Variants in DPP6 observed in about 807,000 individuals in gnomAD.
DPP6 encodes the protein dipeptidyl peptidase like 6.
Under a neutral mutation model 122.6 loss-of-function variants are expected in DPP6, and 69 were observed. The ratio of observed to expected loss-of-function variants is 0.56; its 90% CI spans 0.46 to 0.69. The LOEUF (loss-of-function observed/expected upper bound fraction) is 0.69. DPP6 is among the 30% of genes least tolerant of loss of function. The pLI is 0.00. For missense variants in DPP6, 928 were observed against 1,116.9 expected (o/e 0.83, Z 2.41); for synonymous variants, 418 against 433.1 (o/e 0.97, Z 0.43).
intron 1 of DPP6, among the ~76,000 whole-genome samples, chr7:154,115,469 G>A (rs1189602918): frequency 6.6e-6 from 1 of 152,192 alleles, no homozygotes; most frequent in African/African-American, 2.4e-5. Context: ...GCTCTTATCA[G>A]AGATTTGCTC....
intron 1 of DPP6, among the ~76,000 whole-genome samples, chr7:153,923,694 C>G (rs7805177): frequency 0.63 from 92,364 of 147,452 alleles, 29,084 homozygotes; most frequent in African/African-American, 0.72. Flanking sequence ...CCAGGAGGCA[C>G]AGCTTGCAGT....
chr7:153,940,621 G>A (rs540616628), intron 1 of DPP6, among the ~76,000 whole-genome samples: 1 of 152,224 alleles, frequency 6.6e-6, no homozygotes, highest in East Asian at 1.9e-4. Flanking sequence ...ACTGCACCAT[G>A]GGAACTATTT....
chr7:154,653,196 A>T (rs1488894331), intron 6 of DPP6, among the ~76,000 whole-genome samples: 1 of 152,242 alleles, frequency 6.6e-6, no homozygotes, highest in African/African-American at 2.4e-5. Flanking sequence ...AAGCTTTAAG[A>T]AGGTAAACAG....
In DPP6 at chr7:154,450,824, A is replaced by C. The variant is rs920458632; in HGVS notation, c.358+4496A>C. 7.9e-5 allele frequency among the ~76,000 whole-genome samples: 12 copies of C among 152,186 alleles called. No homozygotes were observed. The South Asian group carries it at 2.3e-3, about 29-fold the overall frequency. ...CTTTAACCACTACATATTTCTAACG[A>C]ATATAGAGGAAGTCAAGTTTTCCTC... On this transcript the variant is annotated intron_variant, in intron 2 of 25. Transcript: ENST00000377770.
At chr7:153,933,481 GC>G (rs1230791855) in intron 1 of DPP6, among the ~76,000 whole-genome samples, 1 of 152,124 alleles carries the variant, frequency 6.6e-6, no homozygotes, top group Non-Finnish European at 1.5e-5. Flanking sequence ...TTTATCAACA[GC>G]ACGAACACTT....
chr7:154,287,007 T>G (rs1804900415), intron 1 of DPP6, among the ~76,000 whole-genome samples: 2 of 152,162 alleles, frequency 1.3e-5, no homozygotes, highest in Admixed American at 6.5e-5. Flanking sequence ...TTCACCATGT[T>G]GGCCAGACTG....
chr7:154,097,395 G>A lies in DPP6; in HGVS notation c.243+44332G>A, dbSNP rs533097983. ...CACCTCCACTCTCCCGCCGTGCTGC[G>A]AGCCCTTTGAGGGCAGGACCCGTCT... On this transcript the variant is annotated intron_variant, in intron 1 of 25. Coordinates refer to ENST00000377770, the MANE Select transcript of DPP6 (RefSeq NM_130797.4). Among the ~76,000 whole-genome samples, 94 of 152,338 alleles carry A rather than the reference G, an allele frequency of 6.2e-4. No homozygotes were observed. In the South Asian group the frequency reaches 0.014, roughly 23 times the overall value.
intron 8 of DPP6, among the ~76,000 whole-genome samples, chr7:154,732,425 A>G (rs574606352): frequency 6.6e-6 from 1 of 152,366 alleles, no homozygotes; most frequent in South Asian, 2.1e-4. Flanking sequence ...GCATATGCAT[A>G]TCCAAAATAC....
At chr7:154,844,692 C>T (rs80217849) in intron 16 of DPP6, among the ~76,000 whole-genome samples, 2,298 of 152,298 alleles carry the variant, frequency 0.015, 54 homozygotes, top group African/African-American at 0.053. Context: ...CCTGCAGAGC[C>T]GACCTCAGAC....
chr7:154,433,332 TTTG>T (rs200874144), intron 1 of DPP6, among the ~76,000 whole-genome samples: 4,160 of 59,926 alleles, frequency 0.069, 197 homozygotes, highest in African/African-American at 0.28. Flanking sequence ...TTGCATTTTT[TTTG>T]TTTTTGTTTT....
At chr7:153,778,648 G>A in the DPP6 span, among the ~76,000 whole-genome samples, 1 of 151,820 alleles carries the variant, frequency 6.6e-6, no homozygotes, top group Non-Finnish European at 1.5e-5. Context: ...ATACCCTTGT[G>A]CTCTTTTGTT....
intron 2 of DPP6, among the ~76,000 whole-genome samples, chr7:154,460,762 T>C (rs976725342): frequency 2.0e-5 from 3 of 152,218 alleles, no homozygotes; most frequent in African/African-American, 4.8e-5. Context: ...ATGACACATT[T>C]TGATACAGGC....
chr7:154,681,670 T>G (rs1447049303), intron 7 of DPP6, among the ~76,000 whole-genome samples: 1 of 152,236 alleles, frequency 6.6e-6, no homozygotes, highest in Non-Finnish European at 1.5e-5. Flanking sequence ...GATTACTTTG[T>G]GGAATTCTCC....
intron 1 of DPP6, among the ~76,000 whole-genome samples, chr7:153,939,766 T>C (rs1007914108): frequency 2.0e-5 from 3 of 152,210 alleles, no homozygotes; most frequent in African/African-American, 7.2e-5. Context: ...ACTTTCATCA[T>C]ATCACTTTAT....
At chr7:154,506,488 A>G (rs1157588326) in intron 3 of DPP6, among the ~76,000 whole-genome samples, 2 of 152,184 alleles carry the variant, frequency 1.3e-5, no homozygotes, top group Non-Finnish European at 2.9e-5. Context: ...TCACATTGGC[A>G]TATTTACTCT....
rs1587015875 is a variant in DPP6 at position 154,749,640 on chromosome 7, G to A, written c.884-19777G>A. Among the ~76,000 whole-genome samples, 3 of 119,394 alleles carry A rather than the reference G, an allele frequency of 2.5e-5. No homozygotes were observed. The South Asian group carries it at 1.1e-3, about 44-fold the overall frequency. The allele number at this position is 119,394 out of a possible 152,430, so 78.3% of individuals were successfully genotyped here. ...GTGAGAGTGTGAGGAAGCATAGGACGGGAAAGAGAGGGATGGGGCATTACT... is the reference window on the plus strand; with the variant it reads ...GTGAGAGTGTGAGGAAGCATAGGACAGGAAAGAGAGGGATGGGGCATTACT... On this transcript the variant is annotated intron_variant, in intron 8 of 25. Transcript: ENST00000377770.
At chr7:154,793,390 CA>C (rs1256135026) in intron 10 of DPP6, among the ~76,000 whole-genome samples, 1 of 152,062 alleles carries the variant, frequency 6.6e-6, no homozygotes, top group East Asian at 1.9e-4. Flanking sequence ...GATGAATTCC[CA>C]GAAGCCCCGG....
chr7:154,207,405 C>A (rs1799506998), intron 1 of DPP6, among the ~76,000 whole-genome samples: 1 of 152,178 alleles, frequency 6.6e-6, no homozygotes, highest in Non-Finnish European at 1.5e-5. Context: ...AGCATTAACA[C>A]CAAACATATA....
intron 1 of DPP6, among the ~76,000 whole-genome samples, chr7:154,285,231 T>C (rs1328047439): frequency 2.0e-5 from 3 of 152,254 alleles, no homozygotes; most frequent in African/African-American, 7.2e-5. Flanking sequence ...AAACTGCTTT[T>C]TACTAGTTTT....
Sources: allele counts gnomAD v4.1 joint callset (sites outside exome capture counted in the v4.1 genomes callset), GRCh38; gene constraint gnomAD v4.1.1; transcripts MANE v1.5; gene names NCBI Gene and HGNC (gene_info 2026-07-23, HGNC 2026-07-21).